The following LDAH variants were observed in gnomAD, a reference collection of about 807,000 sequenced individuals.
The protein encoded by LDAH is lipid droplet associated hydrolase.
A neutral mutation model predicts 29.6 loss-of-function variants in LDAH; 26 were observed. That is an observed-to-expected ratio of 0.88 (90% CI 0.64 to 1.22). LDAH has a LOEUF of 1.22. LDAH is among the 50% of genes most tolerant of loss of function. The probability of loss-of-function intolerance (pLI) is 0.00; values close to 1 mark genes in which losing one functional copy is unlikely to be tolerated. For missense variants in LDAH, 344 were observed against 387.3 expected, an observed-to-expected ratio of 0.89 and a Z score of 0.94; for synonymous variants, 117 against 133.0, an observed-to-expected ratio of 0.88 and a Z score of 0.83.
chr2:20,727,003 C>T (rs891677344), intron 5 of LDAH, among the ~76,000 whole-genome samples: 6 of 152,040 alleles, frequency 3.9e-5, no homozygotes, highest in South Asian at 2.1e-4. Context: ...TAACACTGAC[C>T]GAAAAACAAA....
At chr2:20,696,214 C>A (rs1663465096) in intron 6 of LDAH, among the ~76,000 whole-genome samples, 1 of 152,202 alleles carries the variant, frequency 6.6e-6, no homozygotes, top group Non-Finnish European at 1.5e-5. Flanking sequence ...GCAGGCAGGA[C>A]ATGTGCATGT....
intron 2 of LDAH, among the ~76,000 whole-genome samples, chr2:20,795,868 AG>A (rs1330653615): frequency 6.6e-6 from 1 of 151,962 alleles, no homozygotes; most frequent in Non-Finnish European, 1.5e-5. Context: ...TGGTGTCCAT[AG>A]TGGCTTCACA....
intron 5 of LDAH, among the ~76,000 whole-genome samples, chr2:20,717,192 G>T (rs1019172459): frequency 2.6e-5 from 4 of 152,128 alleles, no homozygotes; most frequent in African/African-American, 7.2e-5. Flanking sequence ...TAACTTTGGG[G>T]TAGGAAAAGA....
chr2:20,788,737 C>T (rs1670732736), intron 3 of LDAH, among the ~76,000 whole-genome samples: 2 of 152,168 alleles, frequency 1.3e-5, no homozygotes, highest in South Asian at 2.1e-4. Context: ...TAGGACAAAA[C>T]GCCCTTGAAT....
intron 4 of LDAH, among the ~76,000 whole-genome samples, chr2:20,743,083 C>T (rs1297881629): frequency 6.6e-6 from 1 of 152,034 alleles, no homozygotes; most frequent in Non-Finnish European, 1.5e-5. Flanking sequence ...ACTTAGACCA[C>T]TGATGTTCAA....
chr2:20,753,931 C>T (rs551603599), intron 4 of LDAH, among the ~76,000 whole-genome samples: 5 of 152,110 alleles, frequency 3.3e-5, no homozygotes, highest in East Asian at 1.9e-4. Context: ...TTAATAAATC[C>T]GAAATTCATA....
At chr2:20,791,547 A>G (rs1410457719) in intron 2 of LDAH, among the ~76,000 whole-genome samples, 1 of 152,198 alleles carries the variant, frequency 6.6e-6, no homozygotes. Flanking sequence ...CAAGTTCCAA[A>G]TTCCTTTTTG....
chr2:20,687,254 G>C (rs1662629864), intron 6 of LDAH, among the ~76,000 whole-genome samples, 160 bp from the exon 7 acceptor site: 2 of 152,226 alleles, frequency 1.3e-5, no homozygotes. Flanking sequence ...AAGGCAGCAA[G>C]GCTTCACGAT....
intron 1 of LDAH, among the ~76,000 whole-genome samples, chr2:20,803,207 C>T (rs919955729): frequency 6.6e-6 from 1 of 152,194 alleles, no homozygotes; most frequent in Non-Finnish European, 1.5e-5. Context: ...GTCAATAATG[C>T]CAAGGCTGAA....
At chr2:20,690,611 G>C (rs1286510617) in intron 6 of LDAH, among the ~76,000 whole-genome samples, 2 of 152,040 alleles carry the variant, frequency 1.3e-5, no homozygotes, top group African/African-American at 2.4e-5. Context: ...TAAATCACAG[G>C]CAATAGATCT....
At position 20,685,607 on chromosome 2, in the gene LDAH, G is replaced by C. The variant is rs929317416; in HGVS notation, c.*1296C>G. Reference sequence around the variant, plus strand: ...ATCAGGGGGCTTTAGGATTTGAGCGGAGGGACATCTCATTGTCCTTAGGGA... The same window carrying C: ...ATCAGGGGGCTTTAGGATTTGAGCGCAGGGACATCTCATTGTCCTTAGGGA... On this transcript the variant is annotated 3_prime_UTR_variant, in exon 7 of 7. Transcript: ENST00000237822. 1.1e-5 allele frequency: 17 copies of C among 1,550,356 alleles called. No individual in the cohort carries two copies. The highest frequency in any genetic ancestry group is 1.5e-5 in the Non-Finnish European group (17 of 1,146,982).
At chr2:20,750,933 C>T (rs1337912968) in intron 4 of LDAH, among the ~76,000 whole-genome samples, 3 of 152,216 alleles carry the variant, frequency 2.0e-5, no homozygotes, top group Non-Finnish European at 4.4e-5. Context: ...TGCATGTTCT[C>T]ACCTGCAAAA....
intron 5 of LDAH, among the ~76,000 whole-genome samples, chr2:20,734,194 T>C (rs368536737): frequency 1.3e-5 from 2 of 152,206 alleles, no homozygotes; most frequent in African/African-American, 4.8e-5. Context: ...CCTACTTATA[T>C]TGTTATATTT....
intron 5 of LDAH, among the ~76,000 whole-genome samples, chr2:20,702,444 A>T (rs2149355489): frequency 6.6e-6 from 1 of 152,272 alleles, no homozygotes; most frequent in Non-Finnish European, 1.5e-5. Context: ...GCAGTTTGAA[A>T]GTCTCTGTTT....
At chr2:20,792,292 C>T (rs1367362767) in intron 2 of LDAH, among the ~76,000 whole-genome samples, 1 of 152,034 alleles carries the variant, frequency 6.6e-6, no homozygotes, top group Admixed American at 6.6e-5. Flanking sequence ...GGTACTATAA[C>T]TTACTACATG....
intron 5 of LDAH, among the ~76,000 whole-genome samples, chr2:20,727,603 A>C (rs182929233): frequency 9.3e-4 from 141 of 152,340 alleles, no homozygotes; most frequent in Non-Finnish European, 1.6e-3. Flanking sequence ...TAACTAACGA[A>C]AAGACCCTAG....
rs751921884 is a variant in LDAH, at chr2:20,685,500, G to A, written c.*1403C>T. The A allele has an allele frequency of 1.3e-6, 2 of 1,540,456 alleles. No individual in the cohort carries two copies. On this transcript the variant is annotated 3_prime_UTR_variant, in exon 7 of 7. Transcript: ENST00000237822. ...TTTCCCCTCTGAGAAGTCACTTGCTGTGATGTAGAAGCTATGCCAAAGCAC... is the reference window on the plus strand; with the variant it reads ...TTTCCCCTCTGAGAAGTCACTTGCTATGATGTAGAAGCTATGCCAAAGCAC...
intron 4 of LDAH, among the ~76,000 whole-genome samples, chr2:20,768,180 A>T (rs1258432508): frequency 1.3e-5 from 2 of 152,220 alleles, no homozygotes; most frequent in Admixed American, 1.3e-4. Context: ...CGAGGCTAAA[A>T]GAGCTGCTGT....
At chr2:20,701,476 A>G (rs1261310270) in intron 6 of LDAH, 94 bp downstream of exon 6, 9 of 1,004,414 alleles carry the variant, frequency 9.0e-6, no homozygotes, top group Non-Finnish European at 1.4e-5. Context: ...CCAACCCTTA[A>G]AGTCTTACAG....
Sources: allele counts gnomAD v4.1 joint callset (sites outside exome capture counted in the v4.1 genomes callset), GRCh38; gene constraint gnomAD v4.1.1; transcripts MANE v1.5; gene names NCBI Gene and HGNC (gene_info 2026-07-23, HGNC 2026-07-21).